The following DOCK3 variants were observed in gnomAD, a reference collection of about 807,000 sequenced individuals.
DOCK3 encodes the protein dedicator of cytokinesis 3.
In DOCK3, 60 loss-of-function variants were observed where a neutral mutation model predicts 265.6. That is an observed-to-expected ratio of 0.23 (90% CI 0.18 to 0.28). DOCK3 has a LOEUF of 0.28. DOCK3 is among the 10% of genes least tolerant of loss of function. DOCK3 has a pLI of 1.00. For missense variants in DOCK3, 1,981 were observed against 2,594.3 expected, an observed-to-expected ratio of 0.76 and a Z score of 5.14; for synonymous variants, 881 against 938.0, an observed-to-expected ratio of 0.94 and a Z score of 1.11.
At chr3:51,177,920 G>A (rs2087047548) in intron 12 of DOCK3, among the ~76,000 whole-genome samples, 1 of 151,622 alleles carries the variant, frequency 6.6e-6, no homozygotes, top group Non-Finnish European at 1.5e-5. Context: ...GAACCTGGGA[G>A]GCAGAGATTG....
chr3:50,869,306 TTTTC>T (rs976425552), intron 3 of DOCK3, among the ~76,000 whole-genome samples: 2 of 149,392 alleles, frequency 1.3e-5, no homozygotes, highest in Non-Finnish European at 3.0e-5. Flanking sequence ...TTTAAAATTG[TTTTC>T]TTTATTTCAA....
chr3:51,043,830 C>T (rs1311552190), intron 5 of DOCK3, among the ~76,000 whole-genome samples: 1 of 151,972 alleles, frequency 6.6e-6, no homozygotes, highest in Non-Finnish European at 1.5e-5. Context: ...TAAAAAAGCT[C>T]AACATCACTG....
chr3:50,982,956 C>A (rs1050566936), intron 5 of DOCK3, among the ~76,000 whole-genome samples: 1 of 152,166 alleles, frequency 6.6e-6, no homozygotes, highest in African/African-American at 2.4e-5. Flanking sequence ...CTGGGAAGAC[C>A]GCTCATTCCC....
intron 5 of DOCK3, among the ~76,000 whole-genome samples, chr3:51,045,072 G>C (rs145932788): frequency 1.3e-5 from 2 of 152,208 alleles, no homozygotes; most frequent in Non-Finnish European, 2.9e-5. Flanking sequence ...TTCACAACTT[G>C]GTTGTTTGGT....
intron 3 of DOCK3, among the ~76,000 whole-genome samples, chr3:50,889,151 T>C (rs541715347): frequency 1.6e-4 from 24 of 150,826 alleles, no homozygotes; most frequent in African/African-American, 4.9e-4. Context: ...GGCTGGAGTA[T>C]AGTGGTGCTA....
intron 2 of DOCK3, among the ~76,000 whole-genome samples, chr3:50,806,178 G>A (rs976264797): frequency 8.5e-5 from 13 of 152,080 alleles, no homozygotes; most frequent in Non-Finnish European, 1.3e-4. Context: ...CAGCAGGCCT[G>A]GGGGTGTGGT....
chr3:50,834,535 C>T lies in DOCK3; in HGVS notation c.122-7140C>T, dbSNP rs750582770. Among the ~76,000 whole-genome samples, 8 of 152,056 alleles carry T rather than the reference C, an allele frequency of 5.3e-5. No individual in the cohort carries two copies. The South Asian group carries it at 6.2e-4, about 12-fold the overall frequency. On this transcript the variant is annotated intron_variant, in intron 2 of 52. Transcript: ENST00000266037. The stretch of plus-strand genomic sequence containing the variant: ...CCATTTCATATTTGACAGTGCTTCC[C>T]GTATGATTTGTATACCAAATAAGCT...
intron 1 of DOCK3, among the ~76,000 whole-genome samples, chr3:50,702,834 T>C (rs1344339497): frequency 6.6e-6 from 1 of 152,198 alleles, no homozygotes; most frequent in Non-Finnish European, 1.5e-5. Flanking sequence ...TGAATGCCTT[T>C]TATTTCTCTT....
intron 27 of DOCK3, among the ~76,000 whole-genome samples, chr3:51,291,900 T>C (rs1560368982): frequency 6.6e-6 from 1 of 152,324 alleles, no homozygotes; most frequent in East Asian, 1.9e-4. Flanking sequence ...TTATTCACCA[T>C]GATCAAGTGG....
In DOCK3 at chr3:51,271,004, T is replaced by A. The variant is rs1330986530; in HGVS notation, c.2545T>A (p.Ser849Thr). ...RTVDSRLFSF[S>T]ESRRILLPVV... ...AGTGGATAGCCGCCTGTTTTCTTTC[T>A]CAGGTAAATCAAGTTGGGATGAGAG... Residue 849 changes from serine (S) to threonine (T), a missense_variant, in exon 24 of 53, where the codon TCA becomes ACA. By Grantham distance (58) the Ser-to-Thr change is moderately conservative (BLOSUM62 1). Coordinates refer to ENST00000266037, the MANE Select transcript of DOCK3 (RefSeq NM_004947.5). 2 of 1,611,368 alleles carry A rather than the reference T, an allele frequency of 1.2e-6. No individual in the cohort carries two copies. The highest frequency in any genetic ancestry group is 1.7e-6 in the Non-Finnish European group (2 of 1,178,910).
At chr3:50,796,980 G>A (rs1199532295) in intron 2 of DOCK3, among the ~76,000 whole-genome samples, 1 of 152,050 alleles carries the variant, frequency 6.6e-6, no homozygotes, top group Non-Finnish European at 1.5e-5. Context: ...GTGGGGGTGG[G>A]GGCTGAGGTG....
chr3:51,128,702 A>G (rs1354705767), intron 9 of DOCK3, among the ~76,000 whole-genome samples: 1 of 152,156 alleles, frequency 6.6e-6, no homozygotes, highest in African/African-American at 2.4e-5. Context: ...CTGGCTGATC[A>G]CCTTGAGGAA....
At chr3:50,963,027 A>C (rs775622049) in intron 5 of DOCK3, among the ~76,000 whole-genome samples, 7 of 152,144 alleles carry the variant, frequency 4.6e-5, no homozygotes, top group Non-Finnish European at 8.8e-5. Flanking sequence ...TCTCTACTAA[A>C]TATAAAAATT....
chr3:50,878,957 G>C (rs1575428064), intron 3 of DOCK3, among the ~76,000 whole-genome samples: 1 of 149,908 alleles, frequency 6.7e-6, no homozygotes, highest in African/African-American at 2.5e-5. Flanking sequence ...AGCCAGAAGA[G>C]AGTGGGGGCC....
At chr3:51,048,364 A>G (rs1450642282) in intron 5 of DOCK3, among the ~76,000 whole-genome samples, 1 of 152,172 alleles carries the variant, frequency 6.6e-6, no homozygotes, top group South Asian at 2.1e-4. Context: ...AACATGGTAC[A>G]GGTTGAATAT....
At chr3:51,267,401 T>C (rs552544140) in intron 23 of DOCK3, among the ~76,000 whole-genome samples, 11 of 148,252 alleles carry the variant, frequency 7.4e-5, no homozygotes, top group African/African-American at 2.7e-4. Flanking sequence ...TTTTTTTTTT[T>C]GAGATGGAGT....
At chr3:51,321,576 C>T (rs1054486709) in intron 32 of DOCK3, among the ~76,000 whole-genome samples, 2 of 152,036 alleles carry the variant, frequency 1.3e-5, no homozygotes, top group Non-Finnish European at 2.9e-5. Flanking sequence ...AAGCCAAGAA[C>T]CTTGAAAAAG....
At chr3:51,224,196 ATAGT>A (rs1401031284) in intron 14 of DOCK3, among the ~76,000 whole-genome samples, 2 of 152,240 alleles carry the variant, frequency 1.3e-5, no homozygotes, top group African/African-American at 2.4e-5. Flanking sequence ...CTCTTGAGGA[ATAGT>A]TAATTGCTTG....
rs2079723142 is a variant in DOCK3, at chr3:51,024,377, T to TA, written c.316-40071_316-40070insA. Among the ~76,000 whole-genome samples, 3 of 152,296 alleles carry TA rather than the reference T, an allele frequency of 2.0e-5. No homozygotes were observed. The East Asian group carries it at 5.8e-4, about 29-fold the overall frequency. On this transcript the variant is annotated intron_variant, in intron 5 of 52. Transcript: ENST00000266037. ...ATTCAGGCTTTAGGCCAGTTGTGGA[T>TA]GTATCCCTGGGTAGTCACTGGTTGT...
Sources: gnomAD v4.1 joint callset for allele counts (sites outside exome capture counted in the v4.1 genomes callset) on GRCh38, gnomAD v4.1.1 for gene constraint, MANE v1.5 for transcripts, NCBI Gene and HGNC (gene_info 2026-07-23, HGNC 2026-07-21) for gene names.